Variants in CACNA1D observed in about 807,000 individuals in gnomAD.
CACNA1D encodes the protein voltage-dependent L-type calcium channel subunit alpha-1D.
Under a neutral mutation model 257.1 loss-of-function variants are expected in CACNA1D, and 55 were observed. That is an observed-to-expected ratio of 0.21 (90% CI 0.17 to 0.27). The LOEUF is 0.27. Ranked by LOEUF, CACNA1D falls within the 10% of genes least tolerant of loss-of-function variation. CACNA1D has a pLI of 1.00. For synonymous variants in CACNA1D, 980 were observed against 1,014.9 expected, an observed-to-expected ratio of 0.97 and a Z score of 0.65; for missense variants, 1,876 against 2,784.0, an observed-to-expected ratio of 0.67 and a Z score of 7.34.
chr3:53,766,857 T>A (rs1194698354), intron 30 of CACNA1D, among the ~76,000 whole-genome samples: 1 of 152,172 alleles, frequency 6.6e-6, no homozygotes, highest in Non-Finnish European at 1.5e-5. Context: ...TATTGAAAAC[T>A]GATTAGTAGC....
intron 3 of CACNA1D, among the ~76,000 whole-genome samples, chr3:53,581,164 A>ACATGTGTGAGGACTTTGTTCTTGTC (rs2093126050): frequency 6.6e-6 from 1 of 152,210 alleles, no homozygotes; most frequent in Non-Finnish European, 1.5e-5. Flanking sequence ...TAAGCCTTGT[A>ACATGTGTGAGGACTTTGTTCTTGTC]CATGTGTGAG....
chr3:53,566,422 T>A (rs531345800), intron 3 of CACNA1D, among the ~76,000 whole-genome samples: 1 of 152,102 alleles, frequency 6.6e-6, no homozygotes, highest in Non-Finnish European at 1.5e-5. Flanking sequence ...TGCTCGAATG[T>A]CATCTTCTCA....
chr3:53,680,873 A>G (rs952005961), intron 8 of CACNA1D, among the ~76,000 whole-genome samples: 1 of 152,230 alleles, frequency 6.6e-6, no homozygotes, highest in African/African-American at 2.4e-5. Flanking sequence ...TTGCTTTTAC[A>G]GAGATCAAAT....
At chr3:53,705,039 G>A (rs1299014261) in intron 9 of CACNA1D, among the ~76,000 whole-genome samples, 2 of 152,360 alleles carry the variant, frequency 1.3e-5, no homozygotes, top group Non-Finnish European at 2.9e-5. Context: ...ACCTATCACT[G>A]TAAAAACCTG....
chr3:53,652,882 G>A (rs1175765352), intron 4 of CACNA1D, among the ~76,000 whole-genome samples: 1 of 152,214 alleles, frequency 6.6e-6, no homozygotes, highest in African/African-American at 2.4e-5. Flanking sequence ...TACAGAAAAA[G>A]TTTGCCAATT....
At chr3:53,619,139 G>A (rs2093668604) in intron 3 of CACNA1D, among the ~76,000 whole-genome samples, 1 of 152,138 alleles carries the variant, frequency 6.6e-6, no homozygotes, top group Non-Finnish European at 1.5e-5. Flanking sequence ...AATAAAACGG[G>A]CACACCCCAC....
At chr3:53,704,458 A>C (rs1243551512) in intron 9 of CACNA1D, among the ~76,000 whole-genome samples, 1 of 152,198 alleles carries the variant, frequency 6.6e-6, no homozygotes, top group Non-Finnish European at 1.5e-5. Context: ...GCTGAATGCA[A>C]GTTCAGAGTT....
At chr3:53,585,030 CTT>C (rs35767566) in intron 3 of CACNA1D, among the ~76,000 whole-genome samples, 46 of 140,636 alleles carry the variant, frequency 3.3e-4, no homozygotes, top group East Asian at 8.3e-4. Context: ...GTTCTTTTGT[CTT>C]TTTTTTTTTT....
chr3:53,806,033 C>T lies in CACNA1D; in HGVS notation c.5749+887C>T, dbSNP rs111162048. 1.1e-3 allele frequency among the ~76,000 whole-genome samples: 164 copies of T among 142,872 alleles called. 4 individuals carry two copies. The highest frequency in any genetic ancestry group is 3.9e-3 in the African/African-American group (150 of 38,088). The allele number at this position is 142,872 out of a possible 152,430, so 93.7% of individuals were successfully genotyped here. ...TCCTCCTCCCTCATGTTCCCTCCTC[C>T]TCCTCCCTCATGTTCCCTCCTCCTC... is the stretch of plus-strand genomic sequence containing the variant. On this transcript the variant is annotated intron_variant, in intron 45 of 47. Transcript: ENST00000350061.
At chr3:53,781,442 A>G (rs1166300840) in intron 38 of CACNA1D, 124 bp from the exon 39 acceptor site, 11 of 713,764 alleles carry the variant, frequency 1.5e-5, no homozygotes, top group Non-Finnish European at 2.8e-5. Flanking sequence ...GCCTGGTGGG[A>G]GTGGAGCCCC....
intron 3 of CACNA1D, among the ~76,000 whole-genome samples, chr3:53,510,137 A>C (rs2091046899): frequency 6.6e-6 from 1 of 152,266 alleles, no homozygotes; most frequent in African/African-American, 2.4e-5. Flanking sequence ...TGTTTCAAAT[A>C]ATTAAAACAA....
intron 20 of CACNA1D, among the ~76,000 whole-genome samples, chr3:53,736,679 C>T (rs1025766101): frequency 2.6e-5 from 4 of 151,420 alleles, no homozygotes; most frequent in Non-Finnish European, 4.4e-5. Context: ...ATCGCTTGAG[C>T]CCAGGAGTTC....
At chr3:53,585,030 C>T (rs1465368974) in intron 3 of CACNA1D, among the ~76,000 whole-genome samples, 3 of 140,716 alleles carry the variant, frequency 2.1e-5, no homozygotes, top group Admixed American at 7.1e-5. Flanking sequence ...GTTCTTTTGT[C>T]TTTTTTTTTT....
rs1052828040 is a variant in CACNA1D at position 53,805,246 on chromosome 3, G to A, written c.5749+100G>A. On this transcript the variant is annotated intron_variant, in intron 45 of 47. Coordinates refer to ENST00000350061, the MANE Select transcript of CACNA1D (RefSeq NM_001128840.3). ...GGCCGGTGATGGATGTGTGCTGCCA[G>A]GTCAGGATCCTTAGTCCTCAAGACC... 4 of 1,174,134 alleles carry A rather than the reference G, an allele frequency of 3.4e-6. No homozygotes were observed. The African/African-American group carries it at 4.5e-5, about 13-fold the overall frequency. The allele number at this position is 1,174,134 out of a possible 1,614,324, so 72.7% of individuals were successfully genotyped here. A position where few individuals can be genotyped will look rare whatever the true frequency, so the allele number is the denominator to read the frequency against.
chr3:53,759,403 T>C (rs2095286782), intron 29 of CACNA1D, among the ~76,000 whole-genome samples: 1 of 152,214 alleles, frequency 6.6e-6, no homozygotes, highest in Non-Finnish European at 1.5e-5. Context: ...TGTGGTGGGT[T>C]TGGCCTTTGG....
intron 40 of CACNA1D, among the ~76,000 whole-genome samples, chr3:53,788,857 A>G (rs1376565239): frequency 1.3e-5 from 2 of 152,162 alleles, no homozygotes; most frequent in African/African-American, 4.8e-5. Context: ...TTTCTGTGAG[A>G]GGCATGGCGG....
intron 9 of CACNA1D, among the ~76,000 whole-genome samples, chr3:53,707,734 A>G (rs1265868388): frequency 2.6e-5 from 4 of 152,162 alleles, no homozygotes; most frequent in Non-Finnish European, 5.9e-5. Context: ...TGCTAGGACC[A>G]TTAAAATCTG....
intron 40 of CACNA1D, among the ~76,000 whole-genome samples, chr3:53,788,555 A>G (rs531974986): frequency 1.3e-5 from 2 of 152,248 alleles, no homozygotes; most frequent in Non-Finnish European, 2.9e-5. Flanking sequence ...TCTCTGGTCC[A>G]TCCATCCTTG....
intron 3 of CACNA1D, among the ~76,000 whole-genome samples, chr3:53,558,403 T>G (rs746691693): frequency 6.6e-6 from 1 of 152,196 alleles, no homozygotes; most frequent in Non-Finnish European, 1.5e-5. Context: ...TGTGAGAAGT[T>G]TTTTGATTAC....
Sources: allele counts gnomAD v4.1 joint callset (sites outside exome capture counted in the v4.1 genomes callset), GRCh38; gene constraint gnomAD v4.1.1; transcripts MANE v1.5; gene names NCBI Gene and HGNC (gene_info 2026-07-23, HGNC 2026-07-21).